The following MPHOSPH9 variants were observed in gnomAD, a reference collection of about 807,000 sequenced individuals.
The protein encoded by MPHOSPH9 is M-phase phosphoprotein 9.
A neutral mutation model predicts 145.5 loss-of-function variants in MPHOSPH9; 88 were observed. That is an observed-to-expected ratio of 0.60 (90% CI 0.51 to 0.72). MPHOSPH9 has a LOEUF of 0.72. MPHOSPH9 is among the 30% of genes least tolerant of loss of function. The probability of loss-of-function intolerance (pLI) is 0.00; values close to 1 mark genes in which losing one functional copy is unlikely to be tolerated. For missense variants in MPHOSPH9, 1,238 were observed against 1,386.6 expected (o/e 0.89, Z 1.70); for synonymous variants, 435 against 486.2 (o/e 0.89, Z 1.39).
At chr12:123,192,009 C>T (rs2045698143) in intron 13 of MPHOSPH9, among the ~76,000 whole-genome samples, 1 of 151,594 alleles carries the variant, frequency 6.6e-6, no homozygotes, top group Non-Finnish European at 1.5e-5. Context: ...TCTCTAAAGG[C>T]AAATAATAAA....
chr12:123,221,280 T>C, intron 5 of MPHOSPH9, 92 bp downstream of exon 5: 1 of 1,044,016 alleles, frequency 9.6e-7, no homozygotes, highest in Admixed American at 2.9e-5. Flanking sequence ...TGATAAATGT[T>C]CAAATACATC....
At position 123,221,418 on chromosome 12, in the gene MPHOSPH9, G is replaced by C; in HGVS notation, c.826C>G (p.Leu276Val). 1 of 1,609,608 alleles carries C rather than the reference G, an allele frequency of 6.2e-7. No individual in the cohort carries two copies. The highest frequency in any genetic ancestry group is 1.3e-5 in the African/African-American group (1 of 74,660). ...ACTTCAGAAACCTTATTTTCACCAA[G>C]AAAATTATGTTCAAATTCACCAGGA... ...ISPGEFEHNF[L>V]GENKVSEVYS... The change falls in exon 5 of 24, where the codon CTT (leucine) becomes GTT (valine). Residue 276 changes from leucine (L) to valine (V), a missense_variant. Transcript: ENST00000606320.
intron 11 of MPHOSPH9, among the ~76,000 whole-genome samples, chr12:123,198,987 T>C (rs192422021): frequency 9.9e-5 from 15 of 151,850 alleles, no homozygotes; most frequent in Admixed American, 2.6e-4. Flanking sequence ...GGACTAGAGG[T>C]TGGGGTAGGG....
chr12:123,240,705 A>T (rs1181614953), intron 1 of MPHOSPH9: 2 of 148,458 alleles, frequency 1.3e-5, no homozygotes, highest in Non-Finnish European at 3.0e-5. Flanking sequence ...AAAATAGATT[A>T]AATATCCTTT....
chr12:123,181,321 G>T, intron 13 of MPHOSPH9, 111 bp from the exon 14 acceptor site: 1 of 803,766 alleles, frequency 1.2e-6, no homozygotes, highest in Non-Finnish European at 2.0e-6. Context: ...CCAATGTCAT[G>T]AAAGAGAAAG....
chr12:123,232,799 TAAAA>T (rs960648919), intron 1 of MPHOSPH9: 1 of 151,622 alleles, frequency 6.6e-6, no homozygotes, highest in African/African-American at 2.4e-5. Context: ...GGGGAAAAAT[TAAAA>T]AAACCCCACA....
chr12:123,166,129 A>G (rs1342369637), intron 17 of MPHOSPH9, among the ~76,000 whole-genome samples: 1 of 152,092 alleles, frequency 6.6e-6, no homozygotes, highest in Non-Finnish European at 1.5e-5. Flanking sequence ...GTTTTTAGAC[A>G]AGGTCTCACT....
At chr12:123,227,397 A>AG (rs1452672968) in intron 3 of MPHOSPH9, 66 bp downstream of exon 3, 1 of 1,171,086 alleles carries the variant, frequency 8.5e-7, no homozygotes, top group African/African-American at 1.5e-5. Context: ...AATAATTTAG[A>AG]GTTTAGTAGA....
intron 13 of MPHOSPH9, among the ~76,000 whole-genome samples, chr12:123,187,669 G>A (rs1387001848): frequency 2.0e-5 from 3 of 152,158 alleles, no homozygotes; most frequent in African/African-American, 7.2e-5. Context: ...CAATGGAACA[G>A]CTCAGAGCCT....
chr12:123,214,143 T>C (rs574957913), intron 7 of MPHOSPH9, among the ~76,000 whole-genome samples: 2 of 152,314 alleles, frequency 1.3e-5, no homozygotes, highest in African/African-American at 4.8e-5. Context: ...TTAATTCATT[T>C]TGGACTACCC....
intron 15 of MPHOSPH9, 112 bp downstream of exon 15, chr12:123,179,814 T>C (rs969451248): frequency 1.7e-5 from 9 of 544,014 alleles, no homozygotes; most frequent in Non-Finnish European, 2.9e-5. Flanking sequence ...ACAAAACTAG[T>C]TCTCAAACTG....
chr12:123,175,822 A>T (rs1440075155), intron 16 of MPHOSPH9, among the ~76,000 whole-genome samples: 4 of 29,642 alleles, frequency 1.3e-4, no homozygotes, highest in South Asian at 2.6e-3. Flanking sequence ...TCTTTTCTTT[A>T]AAAAAAAAAA....
At chr12:123,217,356 C>T (rs1472150186) in intron 6 of MPHOSPH9, among the ~76,000 whole-genome samples, 1 of 151,898 alleles carries the variant, frequency 6.6e-6, no homozygotes, top group Non-Finnish European at 1.5e-5. Flanking sequence ...TGCTACCACA[C>T]CCGGCTAAGT....
At chr12:123,201,812 T>G (rs951259185) in intron 11 of MPHOSPH9, among the ~76,000 whole-genome samples, 2 of 152,132 alleles carry the variant, frequency 1.3e-5, no homozygotes, top group African/African-American at 4.8e-5. Context: ...CCCCTGCATA[T>G]CTTTGTGGGT....
Position 123,156,859 on chromosome 12 carries a change from A to T in MPHOSPH9, c.3500T>A (p.Val1167Asp), listed in dbSNP as rs2043886555. The change falls in exon 24 of 24, where the codon GTT (valine) becomes GAT (aspartate). Residue 1167 changes from valine to aspartate, a missense_variant. By Grantham distance (152) the Val-to-Asp change is radical. Transcript: ENST00000606320. The stretch of plus-strand genomic sequence containing the variant: ...ATGGAATTTCTTTAGCGTCATGCGA[A>T]CTGAACCCAGTTCTCGATTAATCCT... Reference protein sequence around the residue: ...LERINRELGSVRMTLKKFHVL... With the variant: ...LERINRELGSDRMTLKKFHVL... 1 of 1,612,424 alleles carries T rather than the reference A, an allele frequency of 6.2e-7. No individual in the cohort carries two copies. The highest frequency in any genetic ancestry group is 1.3e-5 in the African/African-American group (1 of 74,924).
chr12:123,195,043 T>C (rs1464384931), intron 12 of MPHOSPH9, among the ~76,000 whole-genome samples: 3 of 152,168 alleles, frequency 2.0e-5, no homozygotes, highest in African/African-American at 7.2e-5. Context: ...TATTCTGGGA[T>C]GGAGAGTCCA....
In MPHOSPH9 at chr12:123,202,958, T is replaced by G; in HGVS notation, c.1447A>C (p.Ser483Arg). 6.2e-7 allele frequency: 1 copy of G among 1,614,150 alleles called. No homozygotes were observed. Among genetic ancestry groups the G allele is most frequent in the Non-Finnish European group, 8.5e-7 (1 of 1,180,024 alleles). The change falls in exon 10 of 24, where the codon AGT (serine) becomes CGT (arginine). Residue 483 changes from serine to arginine, a missense_variant. Transcript: ENST00000606320. Reference protein sequence around the residue: ...SFSPDSVLEPSMSSPSDIDSF... With the variant: ...SFSPDSVLEPRMSSPSDIDSF... ...TCTATGTCAGAGGGACTAGACATAC[T>G]AGGCTCTAGAACAGAGTCCGGGGAA...
chr12:123,176,655 C>A lies in MPHOSPH9; in HGVS notation c.2456+33G>T, dbSNP rs750150183. On this transcript the variant is annotated intron_variant, in intron 16 of 23. Transcript: ENST00000606320. ...TCTTAATAAAAGCATGCACCTATTTCTAGCTTTATAGAGAGTAAATGAAAT... is the reference window on the plus strand; with the variant it reads ...TCTTAATAAAAGCATGCACCTATTTATAGCTTTATAGAGAGTAAATGAAAT... 3 of 1,509,818 alleles carry A rather than the reference C, an allele frequency of 2.0e-6. No homozygotes were observed. In the African/African-American group the frequency reaches 4.1e-5, roughly 21 times the overall value. The allele number at this position is 1,509,818 out of a possible 1,614,324, so 93.5% of individuals were successfully genotyped here. A position where few individuals can be genotyped will look rare whatever the true frequency, so the allele number is the denominator to read the frequency against.
Position 123,221,871 on chromosome 12 carries a change from A to T in MPHOSPH9, c.373T>A (p.Leu125Ile). 1 of 1,583,046 alleles carries T rather than the reference A, an allele frequency of 6.3e-7. No homozygotes were observed. The highest frequency in any genetic ancestry group is 1.1e-5 in the South Asian group (1 of 87,518). Residue 125 changes from leucine to isoleucine, a missense_variant, in exon 5 of 24, where the codon TTA (leucine) becomes ATA (isoleucine). Around this residue, in one of 3 missense-constraint regions of MPHOSPH9, gnomAD observed 837 missense variants for 897.5 expected, o/e 0.93. Transcript: ENST00000606320. ...GCACTACTAGTCTGTAATTTGACTA[A>T]ATTTTTTATCTCCTCCTGTATATGC... ...IQHIQEEIKNLVKLQTSSASL... is the reference protein window; with the variant it reads ...IQHIQEEIKNIVKLQTSSASL...
Sources: allele counts gnomAD v4.1 joint callset (sites outside exome capture counted in the v4.1 genomes callset), GRCh38; gene constraint gnomAD v4.1.1; regional missense constraint gnomAD v4.1.1; transcripts MANE v1.5; gene names NCBI Gene and HGNC (gene_info 2026-07-23, HGNC 2026-07-21).